Variants in C1QL1 observed in about 807,000 individuals in gnomAD.
C1QL1 encodes complement C1q like 1.
A neutral mutation model predicts 14.2 loss-of-function variants in C1QL1; 15 were observed. The observed-to-expected ratio is 1.06, with a 90% confidence interval of 0.71 to 1.62. The LOEUF is 1.62. Among genes scored for constraint, C1QL1 ranks in the 40% most tolerant of loss-of-function variants. The pLI is 0.00. For synonymous variants in C1QL1, 172 were observed against 172.4 expected (o/e 1.00, Z 0.02); for missense variants, 346 against 380.3 (o/e 0.91, Z 0.75).
rs1319890997 is a variant in C1QL1, at chr17:44,968,279, C to T, written c.-231G>A. On this transcript the variant is annotated 5_prime_UTR_variant, in exon 1 of 2. Transcript: ENST00000253407. Reference sequence around the variant, plus strand: ...CCAGCCGCCGGCTCCTGCCTCGCGCCTCCCTCCTGCTGCGCTGCCGGACTG... The same window carrying T: ...CCAGCCGCCGGCTCCTGCCTCGCGCTTCCCTCCTGCTGCGCTGCCGGACTG... Among the ~76,000 whole-genome samples the T allele has an allele frequency of 1.3e-5, 2 of 149,884 alleles. No homozygotes were observed. Among genetic ancestry groups the T allele is most frequent in the South Asian group, 4.1e-4 (2 of 4,820 alleles).
chr17:44,967,859 G>A lies in C1QL1; in HGVS notation c.190C>T (p.Leu64=). Residue 64 remains leucine, a synonymous_variant, in exon 1 of 2, where the codon CTG becomes TTG. Transcript: ENST00000253407. This position sits in a 1 kb window ranked among gnomAD's most constrained non-coding sequence, Gnocchi z 7.0. ...GGCTTCCCCTGGGGGCCCTGCACCA[G>A]CGTGGAAGGCGGGGGCGCGCCGCTC... ...EQSGAPPPST[L]VQGPQGKPGR... 1.5e-6 allele frequency: 2 copies of A among 1,326,218 alleles called. No homozygotes were observed. Among genetic ancestry groups the A allele is most frequent in the Non-Finnish European group, 1.9e-6 (2 of 1,048,664 alleles). The allele number at this position is 1,326,218 out of a possible 1,614,324, so 82.2% of individuals were successfully genotyped here.
chr17:44,964,185 C>T (rs2052643877), intron 1 of C1QL1, among the ~76,000 whole-genome samples: 1 of 152,154 alleles, frequency 6.6e-6, no homozygotes, highest in African/African-American at 2.4e-5. Context: ...AGGCAGAGCC[C>T]AGATTCAGCT....
In C1QL1 at chr17:44,960,245, G is replaced by A; in HGVS notation, c.720C>T (p.His240=). The part of the protein sequence containing the change: ...VFIKLDGGKA[H]GGNSNKYSTF... ...TGCTGTATTTGTTGCTGTTGCCGCC[G>A]TGTGCTTTGCCTCCATCCAGCTTGA... Residue 240 remains histidine (H), a synonymous_variant, in exon 2 of 2, where the codon CAC becomes CAT. Coordinates refer to ENST00000253407, the MANE Select transcript of C1QL1 (RefSeq NM_006688.5). The A allele has an allele frequency of 6.2e-7, 1 of 1,614,144 alleles. No homozygotes were observed. The highest frequency in any genetic ancestry group is 8.5e-7 in the Non-Finnish European group (1 of 1,179,964).
At chr17:44,962,132 C>T (rs1175426452) in intron 1 of C1QL1, among the ~76,000 whole-genome samples, 1 of 151,882 alleles carries the variant, frequency 6.6e-6, no homozygotes, top group Non-Finnish European at 1.5e-5. Context: ...TTCTCCACGG[C>T]CCCTCTCTAT....
rs1187331098 is a variant in C1QL1, at chr17:44,967,730, G to A, written c.319C>T (p.Pro107Ser). ...GEKGEPGKPG[P>S]PGLPGAGGSG... ...CCCCCCGCGCCCGGCAGCCCCGGAG[G>A]GCCCGGCTTGCCTGGCTCACCCTTC... Residue 107 changes from proline (P) to serine (S), a missense_variant, in exon 1 of 2, where the codon CCT becomes TCT. Transcript: ENST00000253407. This position sits in a 1 kb window ranked among gnomAD's most constrained non-coding sequence, Gnocchi z 7.0. 7.5e-6 allele frequency: 12 copies of A among 1,603,852 alleles called. No individual in the cohort carries two copies. Among genetic ancestry groups the A allele is most frequent in the Non-Finnish European group, 1.0e-5 (12 of 1,177,154 alleles).
At position 44,964,099 on chromosome 17, in the gene C1QL1, C is replaced by G. The variant is rs553851981; in HGVS notation, c.597+3353G>C. The stretch of plus-strand genomic sequence containing the variant: ...ACCCCTAAGGACTGGGGCCAGTGGG[C>G]CTCAGATAAGGACAGAGGGAGCCTC... On this transcript the variant is annotated intron_variant, in intron 1 of 1. Transcript: ENST00000253407. Among the ~76,000 whole-genome samples the G allele has an allele frequency of 2.0e-5, 3 of 152,266 alleles. No homozygotes were observed. In the East Asian group the frequency reaches 5.8e-4, roughly 29 times the overall value.
chr17:44,966,188 G>A (rs547721519), intron 1 of C1QL1, among the ~76,000 whole-genome samples: 12 of 152,308 alleles, frequency 7.9e-5, no homozygotes, highest in East Asian at 3.9e-4. Context: ...AGGTGTTGGC[G>A]GGGCAGCAGC....
chr17:44,959,978 G>A lies in C1QL1; in HGVS notation c.*210C>T. 1.8e-6 allele frequency: 1 copy of A among 566,452 alleles called. No homozygotes were observed. The highest frequency in any genetic ancestry group is 3.1e-6 in the Non-Finnish European group (1 of 320,984). 35.1% of individuals were successfully genotyped at this position (566,452 alleles called of 1,614,324 possible). On this transcript the variant is annotated 3_prime_UTR_variant, in exon 2 of 2. Coordinates refer to ENST00000253407, the MANE Select transcript of C1QL1 (RefSeq NM_006688.5). ...GGGGGCGGTCAACCCCGGTTCCCTG[G>A]CACGGGGACAGGGCGCGCTGGGCCC...
intron 1 of C1QL1, among the ~76,000 whole-genome samples, chr17:44,961,464 C>T (rs1370785824): frequency 2.0e-5 from 3 of 152,160 alleles, no homozygotes; most frequent in East Asian, 1.9e-4. Flanking sequence ...CATAGTGGCA[C>T]GCCTGTAATC....
intron 1 of C1QL1, among the ~76,000 whole-genome samples, chr17:44,966,481 G>A (rs1303987955): frequency 6.6e-6 from 1 of 152,228 alleles, no homozygotes; most frequent in African/African-American, 2.4e-5. Flanking sequence ...AGGCCACCAC[G>A]AGTGAGAGCA....
rs1461401918 is a variant in C1QL1, at chr17:44,960,140, G to A, written c.*48C>T. The stretch of plus-strand genomic sequence containing the variant: ...CGAGTCATCGTCTGCCCCGCCCGGA[G>A]GGGACCCCGGCGGGTGAGGGACGTG... On this transcript the variant is annotated 3_prime_UTR_variant, in exon 2 of 2. Transcript: ENST00000253407. The A allele has an allele frequency of 1.3e-6, 2 of 1,569,342 alleles. No homozygotes were observed. Among genetic ancestry groups the A allele is most frequent in the East Asian group, 2.2e-5 (1 of 44,576 alleles).
In C1QL1 at chr17:44,967,605, A is replaced by C; in HGVS notation, c.444T>G (p.Phe148Leu). 6.2e-7 allele frequency: 1 copy of C among 1,614,054 alleles called. No individual in the cohort carries two copies. The highest frequency in any genetic ancestry group is 1.7e-5 in the Admixed American group (1 of 60,030). ...TGCCTAGGTTGGTGACCACGTCGTC[A>C]AACTTGAGTACCTCGTAACCCTCGT... ...NPHEGYEVLKFDDVVTNLGNN... is the reference protein window; with the variant it reads ...NPHEGYEVLKLDDVVTNLGNN... The change falls in exon 1 of 2, where the codon TTT becomes TTG. Residue 148 changes from phenylalanine (F) to leucine (L), a missense_variant. Phe to Leu is a conservative substitution (Grantham distance 22, BLOSUM62 0). Transcript: ENST00000253407. The surrounding 1 kb of genome is among the most constrained non-coding windows in gnomAD (Gnocchi z 7.0).
At chr17:44,960,404 G>A (rs762460303) in intron 1 of C1QL1, 37 bp from the exon 2 acceptor site, 3 of 1,497,222 alleles carry the variant, frequency 2.0e-6, no homozygotes, top group Admixed American at 1.7e-5. Context: ...GGCGAGAGGA[G>A]AGAGAGGATG....
At chr17:44,965,302 G>C (rs1212842974) in intron 1 of C1QL1, among the ~76,000 whole-genome samples, 1 of 151,812 alleles carries the variant, frequency 6.6e-6, no homozygotes, top group African/African-American at 2.4e-5. Context: ...GTGAGCCACC[G>C]TGCCTGGCCT....
Position 44,967,587 on chromosome 17 carries a change from G to A in C1QL1, c.462C>T (p.Asn154=). 1 of 1,614,088 alleles carries A rather than the reference G, an allele frequency of 6.2e-7. No individual in the cohort carries two copies. The highest frequency in any genetic ancestry group is 8.5e-7 in the Non-Finnish European group (1 of 1,179,940). ...EVLKFDDVVT[N]LGNNYDAASG... is the part of the protein sequence containing the mutation. Reference sequence around the variant, plus strand: ...TGGCCGCGTCGTAGTTGTTGCCTAGGTTGGTGACCACGTCGTCAAACTTGA... The same window carrying A: ...TGGCCGCGTCGTAGTTGTTGCCTAGATTGGTGACCACGTCGTCAAACTTGA... The change falls in exon 1 of 2, where the codon AAC becomes AAT. Residue 154 remains asparagine (N), a synonymous_variant. Coordinates refer to ENST00000253407, the MANE Select transcript of C1QL1 (RefSeq NM_006688.5). The surrounding 1 kb of genome is among the most constrained non-coding windows in gnomAD (Gnocchi z 7.0).
intron 1 of C1QL1, 77 bp from the exon 2 acceptor site, chr17:44,960,444 G>C: frequency 2.8e-6 from 3 of 1,054,366 alleles, no homozygotes; most frequent in African/African-American, 1.5e-5. Context: ...CAGTCCCGTG[G>C]GGGAGGATCA....
In C1QL1 at chr17:44,967,925, C is replaced by T. The variant is rs552223248; in HGVS notation, c.124G>A (p.Ala42Thr). The change falls in exon 1 of 2, where the codon GCC becomes ACC. Residue 42 changes from alanine (A) to threonine (T), a missense_variant. Coordinates refer to ENST00000253407, the MANE Select transcript of C1QL1 (RefSeq NM_006688.5). This position sits in a 1 kb window ranked among gnomAD's most constrained non-coding sequence, Gnocchi z 7.0. ...CDPYPARGPG[A>T]GARTDGGDAL... The stretch of plus-strand genomic sequence containing the variant: ...TCGCCGCCGTCGGTCCGCGCGCCGG[C>T]GCCGGGGCCCCGCGCGGGGTAGGGG... 9.7e-5 allele frequency: 123 copies of T among 1,269,260 alleles called. No homozygotes were observed. The Middle Eastern group carries it at 1.0e-3, about 11-fold the overall frequency. The allele number at this position is 1,269,260 out of a possible 1,614,324, so 78.6% of individuals were successfully genotyped here.
chr17:44,961,390 C>T (rs545819103), intron 1 of C1QL1, among the ~76,000 whole-genome samples: 2 of 151,598 alleles, frequency 1.3e-5, no homozygotes, highest in South Asian at 2.1e-4. Context: ...GTCAGGAGTT[C>T]GAGAACAGCC....
intron 1 of C1QL1, among the ~76,000 whole-genome samples, chr17:44,965,809 A>G (rs1443155291): frequency 2.6e-5 from 4 of 152,152 alleles, no homozygotes; most frequent in African/African-American, 9.7e-5. Context: ...ATCCCCTGAA[A>G]CCTCAGCTCT....
Sources: gnomAD v4.1 joint callset for allele counts (sites outside exome capture counted in the v4.1 genomes callset) on GRCh38, gnomAD v4.1.1 for gene constraint, Gnocchi (gnomAD v3.1) non-coding constraint, MANE v1.5 for transcripts, NCBI Gene and HGNC (gene_info 2026-07-23, HGNC 2026-07-21) for gene names.